Variants in SHB observed in about 807,000 individuals in gnomAD.
The protein encoded by SHB is SH2 domain-containing adapter protein B.
SHB carries 20 observed loss-of-function variants against 52.3 expected under a neutral mutation model. The ratio of observed to expected loss-of-function variants is 0.38; its 90% CI spans 0.27 to 0.56. The LOEUF is 0.56. Ranked by LOEUF, SHB falls within the 20% of genes least tolerant of loss-of-function variation. The probability of loss-of-function intolerance (pLI) is 0.71; values close to 1 mark genes in which losing one functional copy is unlikely to be tolerated. For missense variants in SHB, 825 were observed against 723.3 expected, an observed-to-expected ratio of 1.14 and a Z score of -1.61; for synonymous variants, 397 against 316.5, an observed-to-expected ratio of 1.25 and a Z score of -2.70.
At chr9:38,061,885 G>A (rs1285389717) in intron 1 of SHB, among the ~76,000 whole-genome samples, 1 of 152,208 alleles carries the variant, frequency 6.6e-6, no homozygotes, top group Non-Finnish European at 1.5e-5. Context: ...CAAGACTCAC[G>A]TTTTGTGCAG....
chr9:37,987,982 C>T (rs1820832208), intron 2 of SHB, among the ~76,000 whole-genome samples: 1 of 152,160 alleles, frequency 6.6e-6, no homozygotes, highest in Admixed American at 6.5e-5. Flanking sequence ...GTACCCCTCA[C>T]CACATGCCAG....
At chr9:37,941,318 G>A (rs146713843) in intron 5 of SHB, among the ~76,000 whole-genome samples, 1 of 152,210 alleles carries the variant, frequency 6.6e-6, no homozygotes, top group Non-Finnish European at 1.5e-5. Context: ...CATATGCTAA[G>A]CACTTCACAT....
intron 2 of SHB, among the ~76,000 whole-genome samples, chr9:37,987,117 G>C (rs7048130): frequency 0.014 from 2,068 of 152,316 alleles, 17 homozygotes; most frequent in Middle Eastern, 0.034. Flanking sequence ...CTCACAGAGC[G>C]AACCTCAGAG....
At chr9:37,982,803 G>C (rs1298575268) in intron 2 of SHB, among the ~76,000 whole-genome samples, 1 of 143,496 alleles carries the variant, frequency 7.0e-6, no homozygotes, top group Non-Finnish European at 1.5e-5. Flanking sequence ...CTGTTTCAAA[G>C]AAAAAAAAAA....
chr9:37,997,789 C>T (rs1433901014), intron 2 of SHB, among the ~76,000 whole-genome samples: 1 of 152,178 alleles, frequency 6.6e-6, no homozygotes, highest in Non-Finnish European at 1.5e-5. Context: ...TCCATCACCC[C>T]AGGGCAGATG....
chr9:38,057,515 T>C (rs1471260338), intron 1 of SHB, among the ~76,000 whole-genome samples: 1 of 152,178 alleles, frequency 6.6e-6, no homozygotes, highest in East Asian at 1.9e-4. Flanking sequence ...TGCAAGCTGG[T>C]CCCTTTCTGA....
chr9:37,996,175 C>T (rs183340595), intron 2 of SHB, among the ~76,000 whole-genome samples: 11 of 152,314 alleles, frequency 7.2e-5, no homozygotes, highest in African/African-American at 2.4e-4. Flanking sequence ...TGGGAGTGGA[C>T]ACAGGGCAGC....
chr9:38,058,893 C>T (rs1308290012), intron 1 of SHB, among the ~76,000 whole-genome samples: 2 of 152,214 alleles, frequency 1.3e-5, no homozygotes, highest in Non-Finnish European at 2.9e-5. Context: ...TGAGCACCCA[C>T]ATAAAAAGCA....
chr9:37,936,284 C>A lies in SHB; in HGVS notation c.1346+12351G>T, dbSNP rs115793171. 3.6e-3 allele frequency among the ~76,000 whole-genome samples: 546 copies of A among 152,188 alleles called. 5 individuals are homozygous for A. The highest frequency in any genetic ancestry group is 0.013 in the African/African-American group (524 of 41,516). On this transcript the variant is annotated intron_variant, in intron 5 of 5. Transcript: ENST00000377707. ...TTCACTGTGGAAAATCCAGAAAACA[C>A]AAATCTAAAATAAAAAGAAGATAAA...
At chr9:38,000,947 G>A (rs1201650641) in intron 2 of SHB, among the ~76,000 whole-genome samples, 1 of 152,212 alleles carries the variant, frequency 6.6e-6, no homozygotes, top group Non-Finnish European at 1.5e-5. Context: ...CTATACAATG[G>A]AGATAGCACC....
chr9:37,997,547 T>G (rs1167621929), intron 2 of SHB, among the ~76,000 whole-genome samples: 1 of 152,122 alleles, frequency 6.6e-6, no homozygotes, highest in Non-Finnish European at 1.5e-5. Context: ...CAGACCTGAG[T>G]CCACATCCAC....
chr9:37,933,808 T>C (rs972373929), intron 5 of SHB, among the ~76,000 whole-genome samples: 3 of 152,134 alleles, frequency 2.0e-5, no homozygotes, highest in African/African-American at 4.8e-5. Context: ...AGTTCTTCCA[T>C]GTCCTGAGCT....
At chr9:38,030,952 A>G (rs897442506) in intron 1 of SHB, among the ~76,000 whole-genome samples, 3 of 145,938 alleles carry the variant, frequency 2.1e-5, no homozygotes, top group Non-Finnish European at 4.4e-5. Flanking sequence ...AAAAAATTAT[A>G]CAAAAAAAAA....
intron 5 of SHB, among the ~76,000 whole-genome samples, chr9:37,925,279 G>A (rs765078292): frequency 4.6e-5 from 7 of 152,266 alleles, no homozygotes; most frequent in Non-Finnish European, 1.0e-4. Flanking sequence ...AGCAAAGGGA[G>A]AAGCTGCCCA....
chr9:38,009,073 G>T (rs1379293295), intron 2 of SHB, among the ~76,000 whole-genome samples: 1 of 152,196 alleles, frequency 6.6e-6, no homozygotes, highest in Non-Finnish European at 1.5e-5. Context: ...TCTCAGGCAG[G>T]GTGGCCAGAG....
chr9:37,942,863 T>C (rs1832449809), intron 5 of SHB, among the ~76,000 whole-genome samples: 1 of 151,360 alleles, frequency 6.6e-6, no homozygotes, highest in Non-Finnish European at 1.5e-5. Context: ...TCTCGGTCTG[T>C]GCCAGTTCAC....
intron 4 of SHB, among the ~76,000 whole-genome samples, chr9:37,950,682 C>A (rs1454903977): frequency 3.3e-5 from 5 of 152,122 alleles, no homozygotes; most frequent in African/African-American, 1.2e-4. Context: ...CCAGGCAAGC[C>A]ACTGACCAGG....
Position 37,917,069 on chromosome 9 carries a change from C to G in SHB, c.*2752G>C, listed in dbSNP as rs917059759. ...AAAAAAAACAAACCCAAAACAAAAA[C>G]CAAACCAAAGCCAGTAACCTGAATG... On this transcript the variant is annotated 3_prime_UTR_variant, in exon 6 of 6. Coordinates refer to ENST00000377707, the MANE Select transcript of SHB (RefSeq NM_003028.3). Among the ~76,000 whole-genome samples the G allele has an allele frequency of 6.0e-5, 9 of 149,242 alleles. No homozygotes were observed. The highest frequency in any genetic ancestry group is 2.2e-4 in the African/African-American group (9 of 40,656).
intron 2 of SHB, among the ~76,000 whole-genome samples, chr9:37,977,684 C>T (rs1187614302): frequency 6.6e-6 from 1 of 152,180 alleles, no homozygotes; most frequent in Non-Finnish European, 1.5e-5. Flanking sequence ...AACTAATCTG[C>T]AACTTATTGT....
Sources: gnomAD v4.1 joint callset for allele counts (sites outside exome capture counted in the v4.1 genomes callset) on GRCh38, gnomAD v4.1.1 for gene constraint, MANE v1.5 for transcripts, NCBI Gene and HGNC (gene_info 2026-07-23, HGNC 2026-07-21) for gene names.